The following HOXB3 variants were observed in gnomAD, a reference collection of about 807,000 sequenced individuals.
The protein encoded by HOXB3 is homeobox B3, also known as homeobox protein Hox-B3.
HOXB3 carries 17 observed loss-of-function variants against 29.2 expected under a neutral mutation model. The ratio of observed to expected loss-of-function variants is 0.58; its 90% CI spans 0.40 to 0.87. HOXB3 has a LOEUF of 0.87. Ranked by LOEUF, HOXB3 falls within the 40% of genes least tolerant of loss-of-function variation. The pLI, the probability that HOXB3 is intolerant of heterozygous loss-of-function variation, is 0.00. For synonymous variants in HOXB3, 317 were observed against 285.9 expected, an observed-to-expected ratio of 1.11 and a Z score of -1.10; for missense variants, 637 against 616.3, an observed-to-expected ratio of 1.03 and a Z score of -0.35.
At chr17:48,578,456 C>A (rs1480563667) in intron 1 of HOXB3, 3 of 1,130,872 alleles carry the variant, frequency 2.7e-6, no homozygotes, top group African/African-American at 3.3e-5. Flanking sequence ...AGCCAATGGC[C>A]GCCCCGCCTG....
rs866075860 is a variant in HOXB3 at position 48,555,241 on chromosome 17, G to A, written c.-159+290C>T. 11 of 513,000 alleles carry A rather than the reference G, an allele frequency of 2.1e-5. No homozygotes were observed. In the Middle Eastern group the frequency reaches 2.7e-3, roughly 124 times the overall value. 31.8% of individuals were successfully genotyped at this position (513,000 alleles called of 1,614,324 possible). Reference sequence around the variant, plus strand: ...AAAGGTTGAGACTTTCTTAGCAGCCGCGGAGAAAATTCAGCCCTGGATCTG... The same window carrying A: ...AAAGGTTGAGACTTTCTTAGCAGCCACGGAGAAAATTCAGCCCTGGATCTG... On this transcript the variant is annotated intron_variant, in intron 3 of 4. Transcript: ENST00000498678.
chr17:48,577,788 C>G lies in HOXB3; in HGVS notation c.-424-3774G>C, dbSNP rs1015184357. On this transcript the variant is annotated intron_variant, in intron 1 of 4. Coordinates refer to ENST00000498678, the MANE Select transcript of HOXB3 (RefSeq NM_001384749.1). ...TTGGCTTCCCCAGCTCAACCCCCCC[C>G]CAACCCATGCCTCCGAAGTCCCTTT... 5.6e-5 allele frequency: 71 copies of G among 1,272,822 alleles called. No individual in the cohort carries two copies. In the African/African-American group the frequency reaches 6.0e-4, roughly 11 times the overall value. The allele number at this position is 1,272,822 out of a possible 1,614,324, so 78.8% of individuals were successfully genotyped here.
rs760146601 is a variant in HOXB3, at chr17:48,573,863, C to G, written c.-273G>C. The G allele has an allele frequency of 5.7e-6, 4 of 702,278 alleles. No individual in the cohort carries two copies. The highest frequency in any genetic ancestry group is 1.5e-5 in the South Asian group (1 of 67,590). 43.5% of individuals were successfully genotyped at this position (702,278 alleles called of 1,614,324 possible). On this transcript the variant is annotated 5_prime_UTR_variant, in exon 2 of 5. Coordinates refer to ENST00000498678, the MANE Select transcript of HOXB3 (RefSeq NM_001384749.1). ...TTTGCGCCTCTCGCCTCCTCTCGCC[C>G]GAACTCTGCAGATCCCATTCATGAC... is the stretch of plus-strand genomic sequence containing the variant.
intron 1 of HOXB3, chr17:48,578,216 G>T: frequency 6.2e-7 from 1 of 1,613,906 alleles, no homozygotes; most frequent in South Asian, 1.1e-5. Flanking sequence ...GTAGTACCCG[G>T]GCGAGTGGTC....
chr17:48,580,799 A>G (rs557163474), intron 1 of HOXB3: 2 of 152,096 alleles, frequency 1.3e-5, no homozygotes, highest in Non-Finnish European at 2.9e-5. Context: ...TTCTAAACAC[A>G]TATGAACTCG....
At chr17:48,577,375 C>T (rs1432697240) in intron 1 of HOXB3, among the ~76,000 whole-genome samples, 2 of 152,212 alleles carry the variant, frequency 1.3e-5, no homozygotes, top group African/African-American at 4.8e-5. Context: ...TAAACCTTTC[C>T]TCTGTTTAGT....
At chr17:48,556,567 A>C (rs557527030) in intron 2 of HOXB3, 2 of 152,046 alleles carry the variant, frequency 1.3e-5, no homozygotes, top group African/African-American at 2.4e-5. Flanking sequence ...AAAAAAAAAA[A>C]AAAAACACCC....
At position 48,550,369 on chromosome 17, in the gene HOXB3, T is replaced by C. The variant is rs773871320; in HGVS notation, c.1261A>G (p.Arg421Gly). The change falls in exon 5 of 5, where the codon AGA becomes GGA. Residue 421 changes from arginine (R) to glycine (G), a missense_variant. Coordinates refer to ENST00000498678, the MANE Select transcript of HOXB3 (RefSeq NM_001384749.1). ...GTTAATTTGGGCGCTTCTTGGATTC[T>C]ACCCTGAGGAGGAGGCGCGTGGTGA... ...SSHHAPPPQG[R>G]IQEAPKLTHL 5.0e-6 allele frequency: 8 copies of C among 1,614,110 alleles called. No homozygotes were observed. Among genetic ancestry groups the C allele is most frequent in the Middle Eastern group, 1.6e-4 (1 of 6,062 alleles).
intron 1 of HOXB3, chr17:48,582,248 G>A (rs372992310): frequency 0.012 from 1,845 of 152,342 alleles, 36 homozygotes; most frequent in African/African-American, 0.04. Flanking sequence ...GCGGCGGCGC[G>A]GAGGAGAGAA....
At chr17:48,556,750 A>C (rs976616247) in intron 2 of HOXB3, 2 of 152,130 alleles carry the variant, frequency 1.3e-5, no homozygotes, top group Non-Finnish European at 2.9e-5. Flanking sequence ...AACTTCATGG[A>C]TAAGTTTCTG....
intron 2 of HOXB3, among the ~76,000 whole-genome samples, chr17:48,564,455 T>C (rs2069317621): frequency 6.6e-6 from 1 of 151,260 alleles, no homozygotes; most frequent in Admixed American, 6.6e-5. Flanking sequence ...CCGGCTTTGT[T>C]CGGCCTCCAG....
chr17:48,579,296 T>C (rs529124415), intron 1 of HOXB3: 3 of 152,420 alleles, frequency 2.0e-5, no homozygotes, highest in African/African-American at 7.2e-5. Context: ...ATACTAACCA[T>C]GGGTCCGAGA....
chr17:48,555,347 A>G (rs1207719120), intron 3 of HOXB3, 184 bp downstream of exon 3: 9 of 473,198 alleles, frequency 1.9e-5, no homozygotes, highest in African/African-American at 4.2e-5. Context: ...AGAGAGAGAG[A>G]GAGAGAGAGA....
rs934396812 is a variant in HOXB3 at position 48,554,559 on chromosome 17, T to G, written c.-159+972A>C. On this transcript the variant is annotated intron_variant, in intron 3 of 4. Transcript: ENST00000498678. The surrounding 1 kb of genome is among the most constrained non-coding windows in gnomAD (Gnocchi z 4.1). ...AAGGTTTGTGCACCCGGGTAGTCCC[T>G]GGCTGCTGCTGCCAGGCTGCCTCAG... is the stretch of plus-strand genomic sequence containing the variant. The G allele has an allele frequency of 1.4e-6, 1 of 696,030 alleles. No homozygotes were observed. Among genetic ancestry groups the G allele is most frequent in the Non-Finnish European group, 2.6e-6 (1 of 381,824 alleles). The allele number at this position is 696,030 out of a possible 1,614,324, so 43.1% of individuals were successfully genotyped here.
intron 1 of HOXB3, chr17:48,582,293 G>C (rs1486246913): frequency 1.3e-5 from 2 of 152,356 alleles, no homozygotes; most frequent in African/African-American, 2.4e-5. Flanking sequence ...GGTACTCACC[G>C]GGAGGCTCCC....
In HOXB3 at chr17:48,552,571, A is replaced by ACCCCCCCCC. The variant is rs59742556; in HGVS notation, c.-106_-98dup. On this transcript the variant is annotated 5_prime_UTR_variant, in exon 4 of 5. Coordinates refer to ENST00000498678, the MANE Select transcript of HOXB3 (RefSeq NM_001384749.1). ...CCCTGGGGGTCACGTGACACGCCGG[A>ACCCCCCCCC]CCCCCCCCCCCCACCTCCCCTCTCT... is the stretch of plus-strand genomic sequence containing the variant. 3 of 504,640 alleles carry ACCCCCCCCC rather than the reference A, an allele frequency of 5.9e-6. No homozygotes were observed. The highest frequency in any genetic ancestry group is 3.0e-5 in the South Asian group (1 of 33,788). 31.3% of individuals were successfully genotyped at this position (504,640 alleles called of 1,614,324 possible).
chr17:48,567,850 G>A (rs1419947932), intron 2 of HOXB3, among the ~76,000 whole-genome samples: 2 of 152,198 alleles, frequency 1.3e-5, no homozygotes, highest in Non-Finnish European at 1.5e-5. Flanking sequence ...GGCTCCTGGG[G>A]TGTGAATTCA....
intron 2 of HOXB3, among the ~76,000 whole-genome samples, chr17:48,561,182 A>AC (rs1224658565): frequency 2.8e-4 from 36 of 130,846 alleles, no homozygotes; most frequent in Non-Finnish European, 3.8e-4. Flanking sequence ...CTCCGTCTCA[A>AC]AACACACACA....
chr17:48,578,544 C>T (rs906310150), intron 1 of HOXB3: 14 of 507,216 alleles, frequency 2.8e-5, no homozygotes, highest in African/African-American at 6.3e-5. Context: ...TTCCCTTCCC[C>T]CTCCCCACCC....
Sources: gnomAD v4.1 joint callset for allele counts (sites outside exome capture counted in the v4.1 genomes callset) on GRCh38, gnomAD v4.1.1 for gene constraint, Gnocchi (gnomAD v3.1) non-coding constraint, MANE v1.5 for transcripts, NCBI Gene and HGNC (gene_info 2026-07-23, HGNC 2026-07-21) for gene names.